The following RPH3AL variants were observed in gnomAD, a reference collection of about 807,000 sequenced individuals.
RPH3AL encodes rabphilin 3A like (without C2 domains), also known as rab effector Noc2.
In RPH3AL, 38 loss-of-function variants were observed where a neutral mutation model predicts 43.1. That is an observed-to-expected ratio of 0.88 (90% CI 0.68 to 1.15). The LOEUF (loss-of-function observed/expected upper bound fraction) is 1.15, where lower values mean the gene tolerates loss of function less well. Ranked by LOEUF, RPH3AL falls within the 50% of genes most tolerant of loss-of-function variation. The pLI is 0.00. For missense variants in RPH3AL, 462 were observed against 423.2 expected (o/e 1.09, Z -0.81); for synonymous variants, 189 against 176.3 (o/e 1.07, Z -0.57).
At chr17:260,076 G>A (rs1346218421) in intron 6 of RPH3AL, among the ~76,000 whole-genome samples, 4 of 152,200 alleles carry the variant, frequency 2.6e-5, no homozygotes, top group African/African-American at 9.7e-5. Context: ...CACCCTGAGA[G>A]TGCACCTGGC....
At chr17:313,994 C>T (rs2043734288) in intron 5 of RPH3AL, among the ~76,000 whole-genome samples, 1 of 152,180 alleles carries the variant, frequency 6.6e-6, no homozygotes, top group African/African-American at 2.4e-5. Context: ...CTGCTCAACA[C>T]CAAGAACCAT....
At position 281,543 on chromosome 17, in the gene RPH3AL, G is replaced by T. The variant is rs562098810; in HGVS notation, c.438+225C>A. Among the ~76,000 whole-genome samples the T allele has an allele frequency of 2.0e-5, 3 of 151,600 alleles. No individual in the cohort carries two copies. The South Asian group carries it at 6.3e-4, about 32-fold the overall frequency. ...GTGTAGAACCTGCCACCCCTGCATA[G>T]GGGAAGTGGCCACAGGCTGTCCCTC... On this transcript the variant is annotated intron_variant, in intron 6 of 9. Coordinates refer to ENST00000331302, the MANE Select transcript of RPH3AL (RefSeq NM_006987.4).
In RPH3AL at chr17:346,586, G is replaced by A. The variant is rs538128846; in HGVS notation, c.-213+6126C>T. On this transcript the variant is annotated intron_variant, in intron 1 of 9. Coordinates refer to ENST00000331302, the MANE Select transcript of RPH3AL (RefSeq NM_006987.4). Reference sequence around the variant, plus strand: ...CCCCCATGATTCAATGACCTCCACCGGGTCTCTCCCACAACAGGTGGGAAT... The same window carrying A: ...CCCCCATGATTCAATGACCTCCACCAGGTCTCTCCCACAACAGGTGGGAAT... Among the ~76,000 whole-genome samples, 64 of 134,544 alleles carry A rather than the reference G, an allele frequency of 4.8e-4. 8 individuals carry two copies. The highest frequency in any genetic ancestry group is 1.6e-3 in the African/African-American group (63 of 39,228). The allele number at this position is 134,544 out of a possible 152,430, so 88.3% of individuals were successfully genotyped here.
At chr17:224,054 G>A (rs2041053632) in intron 7 of RPH3AL, among the ~76,000 whole-genome samples, 1 of 152,204 alleles carries the variant, frequency 6.6e-6, no homozygotes, top group Admixed American at 6.5e-5. Context: ...TGTCCTGCCA[G>A]TTTCACTCAA....
intron 6 of RPH3AL, among the ~76,000 whole-genome samples, chr17:277,737 C>T (rs1487988818): frequency 2.0e-5 from 3 of 152,144 alleles, no homozygotes; most frequent in Non-Finnish European, 4.4e-5. Context: ...GGTGGATTTG[C>T]TTGAGCTCAG....
At chr17:347,182 C>T (rs9906786) in intron 1 of RPH3AL, among the ~76,000 whole-genome samples, 2,653 of 90,130 alleles carry the variant, frequency 0.029, 403 homozygotes, top group African/African-American at 0.078. Context: ...GGCGTGAACC[C>T]GGGAGGCAGA....
chr17:226,542 G>A (rs2041111041), intron 7 of RPH3AL, among the ~76,000 whole-genome samples: 1 of 152,198 alleles, frequency 6.6e-6, no homozygotes. Context: ...GAAGTCAGCA[G>A]TGCCCGCACC....
chr17:330,717 A>C (rs1292612864), intron 2 of RPH3AL, among the ~76,000 whole-genome samples: 1 of 152,070 alleles, frequency 6.6e-6, no homozygotes, highest in Non-Finnish European at 1.5e-5. Flanking sequence ...CTCCACTAAA[A>C]ATGCAAAAAT....
rs138610215 is a variant in RPH3AL at position 246,882 on chromosome 17, G to A, written c.613+229C>T. 1.6e-3 allele frequency among the ~76,000 whole-genome samples: 238 copies of A among 152,324 alleles called. 1 individual carries two copies. The highest frequency in any genetic ancestry group is 5.0e-3 in the African/African-American group (209 of 41,562). Reference sequence around the variant, plus strand: ...GTACTTGTATGTGATACTGCCCCCCGTGGGCCCTCCCGCCGCACTCCTGCA... The same window carrying A: ...GTACTTGTATGTGATACTGCCCCCCATGGGCCCTCCCGCCGCACTCCTGCA... On this transcript the variant is annotated intron_variant, in intron 7 of 9. Coordinates refer to ENST00000331302, the MANE Select transcript of RPH3AL (RefSeq NM_006987.4). The surrounding 1 kb of genome is among the most constrained non-coding windows in gnomAD (Gnocchi z 4.8).
chr17:296,502 G>A (rs553087785), intron 5 of RPH3AL, among the ~76,000 whole-genome samples: 20 of 152,290 alleles, frequency 1.3e-4, no homozygotes, highest in African/African-American at 4.6e-4. Flanking sequence ...CTGTCCTCAC[G>A]GGGCTGGAGG....
chr17:335,362 G>A (rs760068432), intron 1 of RPH3AL, among the ~76,000 whole-genome samples: 12 of 152,132 alleles, frequency 7.9e-5, no homozygotes, highest in Non-Finnish European at 1.5e-4. Context: ...GCTGCAGGAC[G>A]CCAGTTGGTG....
At chr17:271,451 T>C (rs1436716346) in intron 6 of RPH3AL, among the ~76,000 whole-genome samples, 1 of 152,216 alleles carries the variant, frequency 6.6e-6, no homozygotes, top group African/African-American at 2.4e-5. Context: ...TCTTATTTTG[T>C]TGAGCAGTGG....
At chr17:339,702 C>T (rs2151727805) in intron 1 of RPH3AL, 1 of 152,408 alleles carries the variant, frequency 6.6e-6, no homozygotes, top group South Asian at 2.1e-4. Flanking sequence ...TTCTATCCCC[C>T]TCCTCCTCCC....
intron 7 of RPH3AL, 100 bp from the exon 8 acceptor site, chr17:219,836 G>C: frequency 1.2e-6 from 1 of 836,154 alleles, no homozygotes; most frequent in Non-Finnish European, 2.0e-6. Context: ...TCATTACCAC[G>C]TGGCGTAGCA....
intron 4 of RPH3AL, among the ~76,000 whole-genome samples, chr17:320,291 C>T (rs774049455): frequency 2.6e-4 from 39 of 150,642 alleles, no homozygotes; most frequent in Non-Finnish European, 4.6e-4. Flanking sequence ...TCGGAGAACA[C>T]GTGGACTCAC....
At chr17:272,039 G>A (rs1308515927) in intron 6 of RPH3AL, among the ~76,000 whole-genome samples, 8 of 152,172 alleles carry the variant, frequency 5.3e-5, no homozygotes, top group Non-Finnish European at 8.8e-5. Flanking sequence ...AGAAATGCAA[G>A]TCAAAACCAC....
At chr17:347,706 A>C (rs2045267097) in intron 1 of RPH3AL, among the ~76,000 whole-genome samples, 1 of 152,256 alleles carries the variant, frequency 6.6e-6, no homozygotes, top group Admixed American at 6.5e-5. Flanking sequence ...TTATGCAAAT[A>C]AACTGAACAG....
intron 7 of RPH3AL, among the ~76,000 whole-genome samples, chr17:242,658 AC>A (rs2041586860): frequency 7.5e-6 from 1 of 133,842 alleles, no homozygotes; most frequent in African/African-American, 2.8e-5. Context: ...TCCTCTATTG[AC>A]TACCTTCCTC....
rs764403001 is a variant in RPH3AL at position 274,984 on chromosome 17, G to A, written c.438+6784C>T. On this transcript the variant is annotated intron_variant, in intron 6 of 9. Transcript: ENST00000331302. The surrounding 1 kb of genome is among the most constrained non-coding windows in gnomAD (Gnocchi z 4.7). ...GGAGAACAGAATCGAAACTTACACC[G>A]GAGGGGAAAGAGCAGACGTGGTCAC... is the stretch of plus-strand genomic sequence containing the variant. Among the ~76,000 whole-genome samples the A allele has an allele frequency of 1.1e-4, 16 of 152,214 alleles. No individual in the cohort carries two copies. Among genetic ancestry groups the A allele is most frequent in the African/African-American group, 2.2e-4 (9 of 41,460 alleles).
Sources: allele counts gnomAD v4.1 joint callset (sites outside exome capture counted in the v4.1 genomes callset), GRCh38; gene constraint gnomAD v4.1.1; non-coding constraint Gnocchi (gnomAD v3.1); transcripts MANE v1.5; gene names NCBI Gene and HGNC (gene_info 2026-07-23, HGNC 2026-07-21).